The following RANBP9 variants were observed in gnomAD, a reference collection of about 807,000 sequenced individuals.
RANBP9 encodes the protein ran-binding protein 9.
In RANBP9, 15 loss-of-function variants were observed where a neutral mutation model predicts 84.3. That is an observed-to-expected ratio of 0.18 (90% CI 0.12 to 0.27). RANBP9 has a LOEUF of 0.27. RANBP9 is among the 10% of genes least tolerant of loss of function. RANBP9 has a pLI of 1.00. For synonymous variants in RANBP9, 392 were observed against 349.6 expected, an observed-to-expected ratio of 1.12 and a Z score of -1.35; for missense variants, 809 against 912.8, an observed-to-expected ratio of 0.89 and a Z score of 1.46.
At chr6:13,644,876 A>T (rs1765146400) in intron 5 of RANBP9, 147 bp from the exon 6 acceptor site, 1 of 693,020 alleles carries the variant, frequency 1.4e-6, no homozygotes, top group East Asian at 3.0e-5. Flanking sequence ...AAAACAAATG[A>T]TCTAAAATAC....
chr6:13,680,923 C>T (rs1185305589), intron 2 of RANBP9, among the ~76,000 whole-genome samples: 1 of 151,984 alleles, frequency 6.6e-6, no homozygotes, highest in East Asian at 1.9e-4. Context: ...CTTCAGATAA[C>T]CAAAAAATCC....
At chr6:13,701,634 G>A (rs932055288) in intron 1 of RANBP9, among the ~76,000 whole-genome samples, 2 of 152,032 alleles carry the variant, frequency 1.3e-5, no homozygotes, top group East Asian at 3.9e-4. Context: ...GCCAGGCATG[G>A]TGGTGCGCAA....
At chr6:13,622,605 T>G (rs1764482306) in intron 13 of RANBP9, 113 bp from the exon 14 acceptor site, 1 of 1,126,776 alleles carries the variant, frequency 8.9e-7, no homozygotes, top group Non-Finnish European at 1.2e-6. Context: ...CATACCACTC[T>G]GAAATATCAG....
intron 5 of RANBP9, among the ~76,000 whole-genome samples, chr6:13,650,844 G>T (rs1219331292): frequency 6.6e-6 from 1 of 152,080 alleles, no homozygotes; most frequent in African/African-American, 2.4e-5. Context: ...TGCACCTGTG[G>T]TCCCAGCTAC....
At chr6:13,641,898 C>T (rs1322150968) in intron 7 of RANBP9, among the ~76,000 whole-genome samples, 1 of 152,136 alleles carries the variant, frequency 6.6e-6, no homozygotes, top group African/African-American at 2.4e-5. Context: ...ATTAATTTCA[C>T]CCATCTATTT....
At chr6:13,650,936 C>T (rs1408299052) in intron 5 of RANBP9, among the ~76,000 whole-genome samples, 1 of 152,066 alleles carries the variant, frequency 6.6e-6, no homozygotes, top group African/African-American at 2.4e-5. Flanking sequence ...TGCACTCCAA[C>T]CTGGGTGACA....
At chr6:13,642,877 T>C (rs1010795282) in intron 6 of RANBP9, among the ~76,000 whole-genome samples, 5 of 152,246 alleles carry the variant, frequency 3.3e-5, no homozygotes, top group African/African-American at 1.2e-4. Context: ...TCTTTGATTC[T>C]TGGACTCTCA....
chr6:13,666,920 G>C (rs1043571960), intron 2 of RANBP9, among the ~76,000 whole-genome samples: 4 of 152,142 alleles, frequency 2.6e-5, no homozygotes, highest in Admixed American at 2.6e-4. Context: ...ATCTGACAAA[G>C]GGAAATTTGT....
chr6:13,653,886 T>C (rs1011402842), intron 4 of RANBP9, among the ~76,000 whole-genome samples: 4 of 152,000 alleles, frequency 2.6e-5, no homozygotes, highest in Non-Finnish European at 4.4e-5. Context: ...TTTAACTTCA[T>C]TAATAACACA....
chr6:13,634,620 T>G, intron 10 of RANBP9, 68 bp from the exon 11 acceptor site: 1 of 1,398,378 alleles, frequency 7.2e-7, no homozygotes, highest in Non-Finnish European at 9.8e-7. Context: ...AATAAATCAC[T>G]ACTGAACTAC....
chr6:13,697,806 C>T (rs1348767246), intron 1 of RANBP9, among the ~76,000 whole-genome samples: 2 of 152,130 alleles, frequency 1.3e-5, no homozygotes, highest in Non-Finnish European at 2.9e-5. Flanking sequence ...CTCCATATCC[C>T]CAAAAGGACT....
chr6:13,705,903 A>T (rs1290415698), intron 1 of RANBP9, among the ~76,000 whole-genome samples: 2 of 150,030 alleles, frequency 1.3e-5, no homozygotes, highest in African/African-American at 4.9e-5. Context: ...TTTTTATATC[A>T]CCCCCGTAAT....
chr6:13,709,884 C>G (rs1162058354), intron 1 of RANBP9, among the ~76,000 whole-genome samples: 1 of 152,186 alleles, frequency 6.6e-6, no homozygotes, highest in East Asian at 1.9e-4. Flanking sequence ...GAGTAGACCC[C>G]TTTACAGCCA....
intron 6 of RANBP9, among the ~76,000 whole-genome samples, chr6:13,644,218 A>C (rs1313020837): frequency 6.6e-6 from 1 of 152,198 alleles, no homozygotes; most frequent in Non-Finnish European, 1.5e-5. Context: ...TTAAAAGTTA[A>C]ATTGTATAAC....
At chr6:13,680,158 TAGA>T (rs1297697760) in intron 2 of RANBP9, among the ~76,000 whole-genome samples, 3 of 152,124 alleles carry the variant, frequency 2.0e-5, no homozygotes, top group East Asian at 1.9e-4. Context: ...AACAAAATAA[TAGA>T]AGAAGTTAGT....
chr6:13,706,875 G>A (rs1758138102), intron 1 of RANBP9, among the ~76,000 whole-genome samples: 1 of 150,934 alleles, frequency 6.6e-6, no homozygotes, highest in Non-Finnish European at 1.5e-5. Context: ...GGTGCTAAGC[G>A]CCTGTAATCC....
rs779299613 is a variant in RANBP9, at chr6:13,658,792, T to C, written c.724A>G (p.Asn242Asp). 6.4e-7 allele frequency: 1 copy of C among 1,574,304 alleles called. No homozygotes were observed. The highest frequency in any genetic ancestry group is 8.7e-7 in the Non-Finnish European group (1 of 1,143,938). The change falls in exon 3 of 14, where the codon AAT (asparagine) becomes GAT (aspartate). Residue 242 changes from asparagine (N) to aspartate (D), a missense_variant. This residue lies in a region of RANBP9 where 56 missense variants were observed against 88.2 expected (regional missense o/e 0.63). Coordinates refer to ENST00000011619, the MANE Select transcript of RANBP9 (RefSeq NM_005493.3). The part of the protein sequence containing the change: ...IGLSAQGVNM[N>D]RLPGWDKHSY... ...ATTACAAGTGTACCTGGTAGTCTAT[T>C]CATGTTCACACCTTGAGCAGAAAGA... is the stretch of plus-strand genomic sequence containing the variant.
rs149339011 is a variant in RANBP9 at position 13,650,772 on chromosome 6, C to G, written c.927+1887G>C. On this transcript the variant is annotated intron_variant, in intron 5 of 13. Coordinates refer to ENST00000011619, the MANE Select transcript of RANBP9 (RefSeq NM_005493.3). ...CATAGAAAATCATGGGCATCAGCCT[C>G]GGCAACCTGGCGAAACCCCGTCTCT... is the stretch of plus-strand genomic sequence containing the variant. 3.7e-3 allele frequency among the ~76,000 whole-genome samples: 561 copies of G among 152,112 alleles called. 4 individuals are homozygous for G. Among genetic ancestry groups the G allele is most frequent in the African/African-American group, 0.013 (534 of 41,498 alleles).
chr6:13,696,756 A>G (rs753165946), intron 2 of RANBP9, 29 bp downstream of exon 2: 1 of 1,550,810 alleles, frequency 6.4e-7, no homozygotes, highest in Non-Finnish European at 8.8e-7. Flanking sequence ...AAAACTAGCA[A>G]ACGATTTTTC....
Sources: allele counts gnomAD v4.1 joint callset (sites outside exome capture counted in the v4.1 genomes callset), GRCh38; gene constraint gnomAD v4.1.1; regional missense constraint gnomAD v4.1.1; transcripts MANE v1.5; gene names NCBI Gene and HGNC (gene_info 2026-07-23, HGNC 2026-07-21).